The following DDHD1 variants were observed in gnomAD, a reference collection of about 807,000 sequenced individuals.
DDHD1 encodes phospholipase DDHD1.
A neutral mutation model predicts 96.4 loss-of-function variants in DDHD1; 49 were observed. The ratio of observed to expected loss-of-function variants is 0.51; its 90% confidence interval spans 0.40 to 0.64. The LOEUF (loss-of-function observed/expected upper bound fraction) is 0.64. Ranked by LOEUF, DDHD1 falls within the 30% of genes least tolerant of loss-of-function variation. The pLI is 0.00. For synonymous variants in DDHD1, 442 were observed against 446.5 expected, an observed-to-expected ratio of 0.99 and a Z score of 0.13; for missense variants, 1,106 against 1,161.2, an observed-to-expected ratio of 0.95 and a Z score of 0.69.
chr14:53,088,799 T>C (rs894428112), intron 4 of DDHD1, among the ~76,000 whole-genome samples: 8 of 152,164 alleles, frequency 5.3e-5, no homozygotes, highest in African/African-American at 1.4e-4. Flanking sequence ...CTATTCTACA[T>C]AGTGTTGGAA....
intron 4 of DDHD1, among the ~76,000 whole-genome samples, chr14:53,083,318 A>G (rs1439016004): frequency 2.6e-5 from 4 of 152,182 alleles, no homozygotes; most frequent in Non-Finnish European, 5.9e-5. Flanking sequence ...TATAGCTTTA[A>G]AATGACTAAT....
chr14:53,072,234 C>T (rs989496467), intron 6 of DDHD1, among the ~76,000 whole-genome samples: 11 of 151,918 alleles, frequency 7.2e-5, no homozygotes, highest in Admixed American at 2.6e-4. Context: ...GAAAACTGTA[C>T]GAATTCATTA....
At chr14:53,111,929 A>C (rs1400849406) in intron 1 of DDHD1, among the ~76,000 whole-genome samples, 2 of 152,220 alleles carry the variant, frequency 1.3e-5, no homozygotes, top group Non-Finnish European at 2.9e-5. Flanking sequence ...CTTAGTAAAC[A>C]GAATAGGGTA....
intron 8 of DDHD1, 47 bp from the exon 9 acceptor site, chr14:53,058,673 TC>T: frequency 4.5e-6 from 7 of 1,553,168 alleles, no homozygotes; most frequent in Non-Finnish European, 6.1e-6. Context: ...TGAAGTGTTA[TC>T]TTTCAACAAA....
chr14:53,128,824 G>T (rs542516168), intron 1 of DDHD1, among the ~76,000 whole-genome samples: 2 of 152,264 alleles, frequency 1.3e-5, no homozygotes, highest in African/African-American at 4.8e-5. Flanking sequence ...TGAAGCAACT[G>T]AAGAACCACA....
chr14:53,103,064 G>A, intron 2 of DDHD1: 1 of 1,562,594 alleles, frequency 6.4e-7, no homozygotes, highest in Non-Finnish European at 8.7e-7. Flanking sequence ...GCAGTAAATG[G>A]AACAATAGAA....
intron 1 of DDHD1, among the ~76,000 whole-genome samples, chr14:53,130,461 A>C (rs2139836640): frequency 6.6e-6 from 1 of 152,228 alleles, no homozygotes; most frequent in South Asian, 2.1e-4. Flanking sequence ...TATTCTCAAC[A>C]TACATTTTAT....
intron 6 of DDHD1, among the ~76,000 whole-genome samples, chr14:53,067,405 G>C (rs891770199): frequency 6.6e-6 from 1 of 151,166 alleles, no homozygotes; most frequent in Non-Finnish European, 1.5e-5. Flanking sequence ...TGATCTGCCC[G>C]TCTCGGCCTC....
chr14:53,147,769 T>C (rs1021430876), intron 1 of DDHD1, among the ~76,000 whole-genome samples: 4 of 152,158 alleles, frequency 2.6e-5, no homozygotes, highest in Non-Finnish European at 5.9e-5. Flanking sequence ...AACACAGTTA[T>C]AAAGAGTAAA....
chr14:53,049,320 G>C (rs1274465354), intron 12 of DDHD1, among the ~76,000 whole-genome samples: 1 of 152,166 alleles, frequency 6.6e-6, no homozygotes, highest in Non-Finnish European at 1.5e-5. Context: ...ACCTGTTTCA[G>C]TTTCTCGTCC....
At chr14:53,106,754 T>C (rs987676463) in intron 1 of DDHD1, among the ~76,000 whole-genome samples, 31 of 152,210 alleles carry the variant, frequency 2.0e-4, no homozygotes, top group East Asian at 3.8e-4. Flanking sequence ...GTCTTTAAAA[T>C]CTAATAGTTT....
At chr14:53,110,701 C>T (rs1284327563) in intron 1 of DDHD1, among the ~76,000 whole-genome samples, 3 of 152,160 alleles carry the variant, frequency 2.0e-5, no homozygotes, top group African/African-American at 7.2e-5. Context: ...CATAGCTAGG[C>T]GTGGTGGCTC....
intron 1 of DDHD1, among the ~76,000 whole-genome samples, chr14:53,142,480 G>T (rs888908654): frequency 6.6e-5 from 10 of 151,668 alleles, no homozygotes; most frequent in African/African-American, 9.7e-5. Flanking sequence ...AAAAAAACAG[G>T]AACATTACTG....
In DDHD1 at chr14:53,040,453, T is replaced by G. The variant is rs1440148025; in HGVS notation, c.*6315A>C. On this transcript the variant is annotated 3_prime_UTR_variant, in exon 13 of 13. Transcript: ENST00000673822. ...ATGCTTAGAACAGCCTAGTCTGAGG[T>G]TGCTCACTGTAGGGCACAACTACTT... 6.6e-6 allele frequency: 1 copy of G among 152,084 alleles called. No individual in the cohort carries two copies. Among genetic ancestry groups the G allele is most frequent in the African/African-American group, 2.4e-5 (1 of 41,404 alleles). 9.4% of individuals were successfully genotyped at this position (152,084 alleles called of 1,614,324 possible).
At chr14:53,137,287 G>T (rs1890305969) in intron 1 of DDHD1, among the ~76,000 whole-genome samples, 1 of 151,976 alleles carries the variant, frequency 6.6e-6, no homozygotes, top group South Asian at 2.1e-4. Context: ...GAAATACAAA[G>T]AAAAAAAGAA....
intron 1 of DDHD1, among the ~76,000 whole-genome samples, chr14:53,121,993 T>C (rs1427804528): frequency 6.6e-6 from 1 of 151,684 alleles, no homozygotes; most frequent in East Asian, 1.9e-4. Context: ...AAATCTACCC[T>C]TCCTTGTGTG....
At position 53,126,771 on chromosome 14, in the gene DDHD1, A is replaced by C. The variant is rs545566931; in HGVS notation, c.839-22915T>G. On this transcript the variant is annotated intron_variant, in intron 1 of 12. Transcript: ENST00000673822. ...TCCCATCTTTTTTTTTACCTAGTAA[A>C]TATTAACTATTTGTTGAATTAATGA... Among the ~76,000 whole-genome samples, 3 of 152,322 alleles carry C rather than the reference A, an allele frequency of 2.0e-5. No individual in the cohort carries two copies. The East Asian group carries it at 5.8e-4, about 29-fold the overall frequency.
chr14:53,091,035 A>C lies in DDHD1; in HGVS notation c.1289+750T>G, dbSNP rs190095890. On this transcript the variant is annotated intron_variant, in intron 4 of 12. Transcript: ENST00000673822. ...CACACTGTTTGCTTTATAAGGACTC[A>C]AGCCTTTATAAGCCTCAGAATCAAA... Among the ~76,000 whole-genome samples the C allele has an allele frequency of 2.9e-4, 44 of 152,294 alleles. No homozygotes were observed. The East Asian group carries it at 6.2e-3, about 21-fold the overall frequency.
At chr14:53,113,020 C>T (rs889256962) in intron 1 of DDHD1, among the ~76,000 whole-genome samples, 12 of 152,116 alleles carry the variant, frequency 7.9e-5, no homozygotes, top group African/African-American at 1.7e-4. Context: ...AGTGCAGTGG[C>T]GTGATCTCAG....
Sources: allele counts gnomAD v4.1 joint callset (sites outside exome capture counted in the v4.1 genomes callset), GRCh38; gene constraint gnomAD v4.1.1; transcripts MANE v1.5; gene names NCBI Gene and HGNC (gene_info 2026-07-23, HGNC 2026-07-21).